The following PDZRN4 variants were observed in gnomAD, a reference collection of about 807,000 sequenced individuals.
PDZRN4 encodes the protein PDZ domain containing ring finger 4, also known as PDZ domain-containing RING finger protein 4.
Under a neutral mutation model 99.0 loss-of-function variants are expected in PDZRN4, and 70 were observed. The observed-to-expected ratio is 0.71, with a 90% CI of 0.58 to 0.86. The LOEUF (loss-of-function observed/expected upper bound fraction) is 0.86. Among genes scored for constraint, PDZRN4 ranks in the 40% least tolerant of loss-of-function variants. The pLI is 0.00. For missense variants in PDZRN4, 1,474 were observed against 1,331.2 expected, an observed-to-expected ratio of 1.11 and a Z score of -1.67; for synonymous variants, 551 against 501.6, an observed-to-expected ratio of 1.10 and a Z score of -1.32.
intron 3 of PDZRN4, among the ~76,000 whole-genome samples, chr12:41,490,468 A>G (rs1937863094): frequency 6.6e-6 from 1 of 152,166 alleles, no homozygotes; most frequent in African/African-American, 2.4e-5. Context: ...AAAGAAAATT[A>G]TTTGGAATGC....
At chr12:41,251,138 G>A (rs145643208) in intron 3 of PDZRN4, among the ~76,000 whole-genome samples, 59 of 152,102 alleles carry the variant, frequency 3.9e-4, no homozygotes, top group Middle Eastern at 3.4e-3. Context: ...AGCTGATCTG[G>A]GTACAATAGT....
In PDZRN4 at chr12:41,536,270, G is replaced by T. The variant is rs550332174; in HGVS notation, c.1204-16386G>T. On this transcript the variant is annotated intron_variant, in intron 5 of 9. Coordinates refer to ENST00000402685, the MANE Select transcript of PDZRN4 (RefSeq NM_001164595.2). Reference sequence around the variant, plus strand: ...CATTCAGTGCTGAAAGAAATAAGCTGTCAAGCCATGAAAAAACATGGAGCA... The same window carrying T: ...CATTCAGTGCTGAAAGAAATAAGCTTTCAAGCCATGAAAAAACATGGAGCA... Among the ~76,000 whole-genome samples the T allele has an allele frequency of 3.3e-5, 5 of 152,244 alleles. No homozygotes were observed. In the East Asian group the frequency reaches 9.7e-4, roughly 29 times the overall value.
intron 5 of PDZRN4, 130 bp from the exon 6 acceptor site, chr12:41,552,526 G>A (rs1939075939): frequency 5.8e-6 from 3 of 519,808 alleles, no homozygotes; most frequent in Non-Finnish European, 9.9e-6. Flanking sequence ...AAAAAAAAAA[G>A]TTAATTTCCA....
At chr12:41,344,534 C>T (rs1291954769) in intron 3 of PDZRN4, among the ~76,000 whole-genome samples, 1 of 143,828 alleles carries the variant, frequency 7.0e-6, no homozygotes, top group Non-Finnish European at 1.5e-5. Context: ...AAACTACCAC[C>T]GTCTAACAAA....
chr12:41,400,021 A>G (rs1952278627), intron 3 of PDZRN4, among the ~76,000 whole-genome samples: 1 of 152,038 alleles, frequency 6.6e-6, no homozygotes, highest in African/African-American at 2.4e-5. Context: ...TAAAATGTTG[A>G]TCTCTTTTAA....
rs1592058262 is a variant in PDZRN4 at position 41,435,154 on chromosome 12, G to T, written c.844-71302G>T. 2.0e-5 allele frequency among the ~76,000 whole-genome samples: 3 copies of T among 152,298 alleles called. No homozygotes were observed. In the South Asian group the frequency reaches 6.2e-4, roughly 32 times the overall value. On this transcript the variant is annotated intron_variant, in intron 3 of 9. Coordinates refer to ENST00000402685, the MANE Select transcript of PDZRN4 (RefSeq NM_001164595.2). ...TGAGATAGAAACACAAGAATAGAGG[G>T]ATTAGGAATGAATAAAGAAAACAGC... is the stretch of plus-strand genomic sequence containing the variant.
chr12:41,515,461 G>A (rs760884721), intron 5 of PDZRN4, among the ~76,000 whole-genome samples: 6 of 151,914 alleles, frequency 3.9e-5, no homozygotes, highest in Non-Finnish European at 7.4e-5. Flanking sequence ...CATAAGTGCC[G>A]TTCCTTTGGG....
At chr12:41,198,573 GT>G (rs1441973967) in intron 3 of PDZRN4, among the ~76,000 whole-genome samples, 1 of 141,234 alleles carries the variant, frequency 7.1e-6, no homozygotes, top group African/African-American at 2.6e-5. Flanking sequence ...TTTAGAAATA[GT>G]TCCCACATTG....
chr12:41,283,218 A>G (rs1226313333), intron 3 of PDZRN4, among the ~76,000 whole-genome samples: 4 of 152,248 alleles, frequency 2.6e-5, no homozygotes, highest in Admixed American at 6.5e-5. Context: ...AACTACCGTC[A>G]GAGAATATTA....
intron 3 of PDZRN4, among the ~76,000 whole-genome samples, chr12:41,300,910 A>G (rs1186805053): frequency 1.3e-5 from 2 of 152,052 alleles, no homozygotes; most frequent in Non-Finnish European, 2.9e-5. Flanking sequence ...AGGTTATCAA[A>G]ACAGGAGTTC....
At position 41,559,942 on chromosome 12, in the gene PDZRN4, T is replaced by C. The variant is rs931260672; in HGVS notation, c.1366-3606T>C. 3.9e-5 allele frequency among the ~76,000 whole-genome samples: 6 copies of C among 152,136 alleles called. No individual in the cohort carries two copies. The East Asian group carries it at 5.8e-4, about 15-fold the overall frequency. On this transcript the variant is annotated intron_variant, in intron 7 of 9. Coordinates refer to ENST00000402685, the MANE Select transcript of PDZRN4 (RefSeq NM_001164595.2). ...TGCCACCCTGTGAAGAGGTGCCTTC[T>C]TCCATGATTGTAAGTTTCCTAAGGC...
intron 5 of PDZRN4, among the ~76,000 whole-genome samples, chr12:41,547,673 C>T (rs535170512): frequency 2.5e-4 from 38 of 152,162 alleles, no homozygotes; most frequent in African/African-American, 8.2e-4. Flanking sequence ...TGAATCACTT[C>T]TCACTTACTT....
intron 3 of PDZRN4, among the ~76,000 whole-genome samples, chr12:41,275,774 T>C (rs895925723): frequency 6.6e-6 from 1 of 152,126 alleles, no homozygotes; most frequent in African/African-American, 2.4e-5. Flanking sequence ...GAAATAATTT[T>C]TAATATCTGC....
chr12:41,252,481 C>T (rs914661704), intron 3 of PDZRN4, among the ~76,000 whole-genome samples: 3 of 152,204 alleles, frequency 2.0e-5, no homozygotes, highest in Non-Finnish European at 2.9e-5. Flanking sequence ...GGCGCAGTGG[C>T]TCATGCCTGT....
At position 41,393,099 on chromosome 12, in the gene PDZRN4, A is replaced by T. The variant is rs376939501; in HGVS notation, c.844-113357A>T. 3.9e-5 allele frequency among the ~76,000 whole-genome samples: 6 copies of T among 152,250 alleles called. No homozygotes were observed. The South Asian group carries it at 1.2e-3, about 32-fold the overall frequency. On this transcript the variant is annotated intron_variant, in intron 3 of 9. Transcript: ENST00000402685. Reference sequence around the variant, plus strand: ...ATTTTCTATTCCACTAAATTCTTCAATTCCTTTCTTTGTTTCCTTCATTGA... The same window carrying T: ...ATTTTCTATTCCACTAAATTCTTCATTTCCTTTCTTTGTTTCCTTCATTGA...
chr12:41,260,190 G>T (rs1018602856), intron 3 of PDZRN4, among the ~76,000 whole-genome samples: 2 of 152,116 alleles, frequency 1.3e-5, no homozygotes, highest in Non-Finnish European at 2.9e-5. Context: ...TTTTTAGAAA[G>T]ATTTCCTTTT....
chr12:41,555,590 C>G, intron 6 of PDZRN4, 108 bp from the exon 7 acceptor site: 1 of 815,384 alleles, frequency 1.2e-6, no homozygotes. Flanking sequence ...CACAAATCAA[C>G]AGAGAATTTT....
At chr12:41,371,531 A>G (rs1339228718) in intron 3 of PDZRN4, among the ~76,000 whole-genome samples, 1 of 152,070 alleles carries the variant, frequency 6.6e-6, no homozygotes, top group African/African-American at 2.4e-5. Flanking sequence ...TTAAAATACT[A>G]GGTCCTAGAT....
chr12:41,563,683 C>T (rs748769865), intron 8 of PDZRN4, 34 bp downstream of exon 8: 2 of 1,360,482 alleles, frequency 1.5e-6, no homozygotes, highest in Admixed American at 3.6e-5. Flanking sequence ...TGAGACTGAA[C>T]TTTATATTCA....
Sources: allele counts gnomAD v4.1 joint callset (sites outside exome capture counted in the v4.1 genomes callset), GRCh38; gene constraint gnomAD v4.1.1; transcripts MANE v1.5; gene names NCBI Gene and HGNC (gene_info 2026-07-23, HGNC 2026-07-21).